The following EFHD1 variants were observed in gnomAD, a reference collection of about 807,000 sequenced individuals.
The protein encoded by EFHD1 is EF-hand domain-containing protein D1.
EFHD1 carries 10 observed loss-of-function variants against 17.2 expected under a neutral mutation model. That is an observed-to-expected ratio of 0.58 (90% CI 0.36 to 0.99). The LOEUF is 0.99. Ranked by LOEUF, EFHD1 falls within the 50% of genes least tolerant of loss-of-function variation. The pLI is 0.01. For synonymous variants in EFHD1, 153 were observed against 142.0 expected, an observed-to-expected ratio of 1.08 and a Z score of -0.55; for missense variants, 310 against 327.5, an observed-to-expected ratio of 0.95 and a Z score of 0.41.
upstream of EFHD1, chr2:232,633,361 G>T: frequency 1.3e-6 from 1 of 768,784 alleles, no homozygotes; most frequent in Non-Finnish European, 1.7e-6. Context: ...CAAGGTCGGA[G>T]TTGATCCGAG....
chr2:232,659,620 C>T (rs1694820754), intron 1 of EFHD1, among the ~76,000 whole-genome samples: 1 of 152,138 alleles, frequency 6.6e-6, no homozygotes, highest in Non-Finnish European at 1.5e-5. Flanking sequence ...CATTTCTTGG[C>T]AGGTAGTGGT....
At chr2:232,659,858 G>A (rs1694825449) in intron 1 of EFHD1, among the ~76,000 whole-genome samples, 1 of 152,206 alleles carries the variant, frequency 6.6e-6, no homozygotes, top group Non-Finnish European at 1.5e-5. Context: ...TACAACCATG[G>A]CAGAAGGTGA....
intron 1 of EFHD1, among the ~76,000 whole-genome samples, chr2:232,628,527 T>A (rs1384074216): frequency 1.3e-5 from 2 of 152,184 alleles, no homozygotes. Context: ...TGCTCTTCCC[T>A]TTCTGGAATT....
chr2:232,637,565 A>T (rs1249745376), intron 1 of EFHD1, among the ~76,000 whole-genome samples: 2 of 151,932 alleles, frequency 1.3e-5, no homozygotes, highest in Non-Finnish European at 1.5e-5. Flanking sequence ...GCTGGTCTTG[A>T]ACCCCTGACC....
chr2:232,607,010 T>G (rs1454738993), intron 1 of EFHD1, among the ~76,000 whole-genome samples: 2 of 152,026 alleles, frequency 1.3e-5, no homozygotes, highest in Non-Finnish European at 2.9e-5. Flanking sequence ...ATTATGTTTT[T>G]TCTTTTGAGA....
chr2:232,636,811 C>T (rs1001314736), intron 1 of EFHD1, among the ~76,000 whole-genome samples: 6 of 152,060 alleles, frequency 3.9e-5, no homozygotes, highest in African/African-American at 7.2e-5. Flanking sequence ...CAACAGAGTG[C>T]GACTCCGTCT....
At chr2:232,664,092 AT>A (rs1694925455) in intron 2 of EFHD1, among the ~76,000 whole-genome samples, 1 of 151,598 alleles carries the variant, frequency 6.6e-6, no homozygotes, top group Non-Finnish European at 1.5e-5. Context: ...TTGCCCAGTA[AT>A]TTTGAGAATA....
chr2:232,613,605 CA>C (rs1693846344), intron 1 of EFHD1, among the ~76,000 whole-genome samples: 1 of 113,786 alleles, frequency 8.8e-6, no homozygotes, highest in Non-Finnish European at 1.8e-5. Context: ...AGAGGAACCA[CA>C]CACACACACA....
upstream of EFHD1, among the ~76,000 whole-genome samples, chr2:232,631,750 C>T (rs1694207219): frequency 6.8e-6 from 1 of 148,034 alleles, no homozygotes; most frequent in Non-Finnish European, 1.5e-5. Context: ...GCCTGTAATC[C>T]CAGCACTTCG....
At chr2:232,614,022 AT>A (rs1270246594) in intron 1 of EFHD1, among the ~76,000 whole-genome samples, 7 of 147,640 alleles carry the variant, frequency 4.7e-5, no homozygotes, top group Non-Finnish European at 9.0e-5. Flanking sequence ...ATACACACAA[AT>A]ACACACACAA....
chr2:232,611,552 A>T, intron 1 of EFHD1: 1 of 152,210 alleles, frequency 6.6e-6, no homozygotes, highest in Non-Finnish European at 1.5e-5. Flanking sequence ...GCACCGCGTG[A>T]TGGAGCCTCT....
chr2:232,673,155 G>A (rs1412996702), intron 3 of EFHD1, among the ~76,000 whole-genome samples: 14 of 152,210 alleles, frequency 9.2e-5, no homozygotes, highest in Non-Finnish European at 1.5e-5. Context: ...GGTCATAACT[G>A]TTGCCCTTCC....
chr2:232,640,752 T>A (rs1172020051), intron 1 of EFHD1, among the ~76,000 whole-genome samples: 1 of 151,120 alleles, frequency 6.6e-6, no homozygotes, highest in Non-Finnish European at 1.5e-5. Flanking sequence ...GATGTGAGAG[T>A]TGGGGACACT....
At chr2:232,624,871 G>C (rs1485833475) in intron 1 of EFHD1, among the ~76,000 whole-genome samples, 1 of 152,118 alleles carries the variant, frequency 6.6e-6, no homozygotes, top group African/African-American at 2.4e-5. Flanking sequence ...TTCACTGTTA[G>C]ACCCCCTCAC....
intron 2 of EFHD1, among the ~76,000 whole-genome samples, 177 bp from the exon 3 acceptor site, chr2:232,672,132 A>G (rs1038557782): frequency 6.6e-6 from 1 of 152,202 alleles, no homozygotes; most frequent in African/African-American, 2.4e-5. Flanking sequence ...TAGCCTTGGG[A>G]AAAATCGGCA....
At chr2:232,647,295 A>C (rs1228662078) in intron 1 of EFHD1, among the ~76,000 whole-genome samples, 1 of 152,192 alleles carries the variant, frequency 6.6e-6, no homozygotes, top group Non-Finnish European at 1.5e-5. Context: ...CGAGAGCTGC[A>C]TGGGTGGCAG....
At position 232,627,041 on chromosome 2, in the gene EFHD1, T is replaced by TCC. The variant is rs1391860644; in HGVS notation, c.14+20868_14+20869insCC. ...CTCTCTCTCTCTCTCTCTCTCTATA[T>TCC]ATATATATATATATATATATATATT... On this transcript the variant is annotated intron_variant, in intron 1 of 3. Coordinates refer to the EFHD1 transcript ENST00000409613. Among the ~76,000 whole-genome samples, 384 of 82,178 alleles carry TCC rather than the reference T, an allele frequency of 4.7e-3. 4 individuals are homozygous for TCC. The highest frequency in any genetic ancestry group is 0.017 in the African/African-American group (340 of 20,296). 53.9% of individuals were successfully genotyped at this position (82,178 alleles called of 152,430 possible). A position where few individuals can be genotyped will look rare whatever the true frequency, so the allele number is the denominator to read the frequency against.
intron 1 of EFHD1, among the ~76,000 whole-genome samples, chr2:232,654,707 C>G (rs1404204058): frequency 1.3e-5 from 2 of 152,134 alleles, no homozygotes; most frequent in African/African-American, 4.8e-5. Flanking sequence ...GGATTACAGG[C>G]GTGAGCCACC....
chr2:232,682,059 ATGT>A lies in EFHD1; in HGVS notation c.*341_*343del. 5.0e-6 allele frequency: 1 copy of A among 198,502 alleles called. No homozygotes were observed. Among genetic ancestry groups the A allele is most frequent in the South Asian group, 1.5e-4 (1 of 6,522 alleles). The allele number at this position is 198,502 out of a possible 1,614,324, so 12.3% of individuals were successfully genotyped here. ...GTCTGCTATATCAATTTGTGTAGAT[ATGT>A]CTGTCTTTTTGGGTCCTCAGAGAAA... On this transcript the variant is annotated 3_prime_UTR_variant, in exon 4 of 4. Transcript: ENST00000264059.
Sources: gnomAD v4.1 joint callset for allele counts (sites outside exome capture counted in the v4.1 genomes callset) on GRCh38, gnomAD v4.1.1 for gene constraint, MANE v1.5 for transcripts, NCBI Gene and HGNC (gene_info 2026-07-23, HGNC 2026-07-21) for gene names.